ANOS1: variants seen among roughly 807,000 people sequenced by gnomAD.
ANOS1 encodes the protein anosmin-1.
ANOS1 carries 6 observed loss-of-function variants against 59.0 expected under a neutral mutation model. That is an observed-to-expected ratio of 0.10 (90% CI 0.06 to 0.20). ANOS1 has a LOEUF of 0.20. Ranked by LOEUF, ANOS1 falls within the 10% of genes least tolerant of loss-of-function variation. The pLI, the probability that ANOS1 is intolerant of heterozygous loss-of-function variation, is 1.00. For synonymous variants in ANOS1, 217 were observed against 223.4 expected, an observed-to-expected ratio of 0.97 and a Z score of 0.25; for missense variants, 433 against 542.3, an observed-to-expected ratio of 0.80 and a Z score of 2.00.
chrX:8,567,143 C>T (rs188137785), intron 8 of ANOS1, among the ~76,000 whole-genome samples: 176 of 112,245 alleles, frequency 1.6e-3, no homozygotes, highest in African/African-American at 5.5e-3. Flanking sequence ...AAGCCAGAAA[C>T]ATCAAGTAAC....
intron 2 of ANOS1, among the ~76,000 whole-genome samples, chrX:8,644,504 C>A (rs1931719887): frequency 9.0e-6 from 1 of 111,630 alleles, no homozygotes; most frequent in Non-Finnish European, 1.9e-5. Flanking sequence ...TATTTTACCT[C>A]AAAATATATT....
At chrX:8,617,975 GA>G (rs1164715430) in intron 3 of ANOS1, among the ~76,000 whole-genome samples, 2 of 110,854 alleles carry the variant, frequency 1.8e-5, no homozygotes, top group African/African-American at 6.6e-5. Flanking sequence ...GTTTAGAAGG[GA>G]AACCCTACAA....
intron 2 of ANOS1, among the ~76,000 whole-genome samples, chrX:8,679,703 T>C (rs1932390943): frequency 1.8e-5 from 2 of 111,019 alleles, no homozygotes; most frequent in South Asian, 7.6e-4. Flanking sequence ...GATGAAAAAG[T>C]TCCGGAGATC....
At chrX:8,614,583 T>C (rs1213248145) in intron 3 of ANOS1, among the ~76,000 whole-genome samples, 1 of 111,606 alleles carries the variant, frequency 9.0e-6, no homozygotes, top group Non-Finnish European at 1.9e-5. Flanking sequence ...TCCTCTTTTA[T>C]AATAAAAGTA....
intron 2 of ANOS1, among the ~76,000 whole-genome samples, chrX:8,646,346 A>G (rs1161989862): frequency 1.8e-5 from 2 of 110,878 alleles, no homozygotes; most frequent in African/African-American, 6.6e-5. Context: ...TGTAATAGGC[A>G]TGCCATCACC....
Position 8,530,415 on chromosome X carries a change from C to A in ANOS1, c.*2580G>T, listed in dbSNP as rs1424864261. 9.0e-6 allele frequency: 1 copy of A among 111,488 alleles called. No homozygotes were observed. Among genetic ancestry groups the A allele is most frequent in the Non-Finnish European group, 1.9e-5 (1 of 53,062 alleles). 9.2% of individuals were successfully genotyped at this position (111,488 alleles called of 1,213,427 possible). ...GCATAGATTTTATTCTTTATTAGAG[C>A]AATCACATTTTTAAAATTCAAAAAA... On this transcript the variant is annotated 3_prime_UTR_variant, in exon 14 of 14. Transcript: ENST00000262648.
chrX:8,600,470 G>C (rs375090482), intron 3 of ANOS1, among the ~76,000 whole-genome samples: 1 of 112,204 alleles, frequency 8.9e-6, no homozygotes, highest in Non-Finnish European at 1.9e-5. Flanking sequence ...TACATAAAAC[G>C]TGAAAATAAC....
intron 3 of ANOS1, among the ~76,000 whole-genome samples, chrX:8,611,862 C>T (rs182142240): frequency 2.8e-4 from 31 of 111,286 alleles, no homozygotes; most frequent in Admixed American, 1.5e-3. Context: ...AACAGATGAA[C>T]CTTGGGGTCT....
At chrX:8,695,166 G>T (rs1391850526) in intron 2 of ANOS1, among the ~76,000 whole-genome samples, 2 of 111,510 alleles carry the variant, frequency 1.8e-5, no homozygotes, top group Non-Finnish European at 3.8e-5. Flanking sequence ...ACAAAAATTA[G>T]CTGGGCATGG....
chrX:8,642,498 A>C (rs1375849704), intron 2 of ANOS1, among the ~76,000 whole-genome samples: 1 of 111,241 alleles, frequency 9.0e-6, no homozygotes, highest in Non-Finnish European at 1.9e-5. Context: ...TAAACAAGTA[A>C]ATTGTACAGC....
intron 4 of ANOS1, among the ~76,000 whole-genome samples, chrX:8,589,789 C>T (rs973783649): frequency 1.8e-5 from 2 of 112,462 alleles, no homozygotes; most frequent in African/African-American, 6.5e-5. Context: ...GGCTAAGCTG[C>T]AGACCATCTT....
chrX:8,649,533 C>CATACGCCTTA (rs1486937628), intron 2 of ANOS1, among the ~76,000 whole-genome samples: 1 of 111,925 alleles, frequency 8.9e-6, no homozygotes, highest in Admixed American at 9.5e-5. Context: ...TATTTGTTGC[C>CATACGCCTTA]ATACGCCTTA....
At chrX:8,553,866 G>T in intron 9 of ANOS1, 86 bp downstream of exon 9, 1 of 915,779 alleles carries the variant, frequency 1.1e-6, no homozygotes. Context: ...TTGATACTGT[G>T]GCTTGACATT....
chrX:8,675,174 T>A (rs748850659), intron 2 of ANOS1, among the ~76,000 whole-genome samples: 2 of 111,726 alleles, frequency 1.8e-5, no homozygotes, highest in African/African-American at 3.3e-5. Flanking sequence ...AAGCTGTGAA[T>A]TTGGCACCTC....
At position 8,695,143 on chromosome X, in the gene ANOS1, C is replaced by A. The variant is rs978221853; in HGVS notation, c.255+4555G>T. The stretch of plus-strand genomic sequence containing the variant: ...CCTGGCCAACATGTCAAAACCCCAT[C>A]TCTACTAAAAATACAAAAATTAGCT... On this transcript the variant is annotated intron_variant, in intron 2 of 13. Coordinates refer to ENST00000262648, the MANE Select transcript of ANOS1 (RefSeq NM_000216.4). Among the ~76,000 whole-genome samples, 8 of 111,318 alleles carry A rather than the reference C, an allele frequency of 7.2e-5. No individual in the cohort carries two copies. The Admixed American group carries it at 7.6e-4, about 11-fold the overall frequency.
chrX:8,569,510 C>T lies in ANOS1; in HGVS notation c.1062+989G>A, dbSNP rs780237643. Among the ~76,000 whole-genome samples, 445 of 111,222 alleles carry T rather than the reference C, an allele frequency of 4.0e-3. 1 individual carries two copies. The highest frequency in any genetic ancestry group is 0.013 in the African/African-American group (395 of 30,615). On this transcript the variant is annotated intron_variant, in intron 7 of 13. Coordinates refer to ENST00000262648, the MANE Select transcript of ANOS1 (RefSeq NM_000216.4). ...ACAAAAAATTAGCTGGGTGTGGTGG[C>T]GGGCGCCTGTAGTCCCAGCTACTCG... is the stretch of plus-strand genomic sequence containing the variant.
chrX:8,698,271 C>G (rs1173829063), intron 2 of ANOS1, among the ~76,000 whole-genome samples: 2 of 111,863 alleles, frequency 1.8e-5, no homozygotes, highest in Non-Finnish European at 3.8e-5. Context: ...ATCTATGATC[C>G]CTAGTGTACA....
intron 6 of ANOS1, among the ~76,000 whole-genome samples, chrX:8,571,787 C>G (rs1363778509): frequency 1.8e-5 from 2 of 111,936 alleles, no homozygotes. Flanking sequence ...CAGTGATTTA[C>G]AGAGGGTTTC....
chrX:8,602,730 A>AATTATTATTATTATT (rs758760034), intron 3 of ANOS1, among the ~76,000 whole-genome samples: 17 of 108,969 alleles, frequency 1.6e-4, no homozygotes, highest in African/African-American at 5.7e-4. Context: ...GTCACTCTCA[A>AATTATTATTATTATT]ATTATTATTA....
Sources: gnomAD v4.1 joint callset for allele counts (sites outside exome capture counted in the v4.1 genomes callset) on GRCh38, gnomAD v4.1.1 for gene constraint, MANE v1.5 for transcripts, NCBI Gene and HGNC (gene_info 2026-07-23, HGNC 2026-07-21) for gene names.